MDGA1: variants seen among roughly 807,000 people sequenced by gnomAD.
MDGA1 encodes MAM domain containing glycosylphosphatidylinositol anchor 1.
In MDGA1, 54 loss-of-function variants were observed where a neutral mutation model predicts 101.5. That is an observed-to-expected ratio of 0.53 (90% CI 0.43 to 0.67). The LOEUF (loss-of-function observed/expected upper bound fraction) is 0.67, where lower values mean the gene tolerates loss of function less well. MDGA1 is among the 30% of genes least tolerant of loss of function. MDGA1 has a pLI of 0.00. For synonymous variants in MDGA1, 533 were observed against 558.3 expected (o/e 0.95, Z 0.64); for missense variants, 1,083 against 1,323.8 (o/e 0.82, Z 2.82).
rs142960358 is a variant in MDGA1, at chr6:37,649,070, G to C, written c.1806C>G (p.Leu602=). Residue 602 remains leucine, a synonymous_variant, in exon 9 of 17, where the codon CTC becomes CTG. Coordinates refer to ENST00000434837, the MANE Select transcript of MDGA1 (RefSeq NM_153487.4). ...CGCTGCTGTCGCGAGTTACGGCGTC[G>C]AGGCGCAGCTCCGCGTGATCCGGCG... ...AEAPDHAELR[L]DAVTRDSSGS... The C allele has an allele frequency of 9.8e-3, 15,061 of 1,541,644 alleles. 89 individuals are homozygous for C. The highest frequency in any genetic ancestry group is 0.012 in the Non-Finnish European group (13,271 of 1,144,434).
chr6:37,655,005 G>A lies in MDGA1; in HGVS notation c.580-73C>T. On this transcript the variant is annotated intron_variant, in intron 4 of 16. Transcript: ENST00000434837. This position sits in a 1 kb window ranked among gnomAD's most constrained non-coding sequence, Gnocchi z 5.1. ...GGGATCCCGCATACTCATTCACCCA[G>A]CACCAGAGCCTACCACAAATGCCTG... 7 of 1,549,370 alleles carry A rather than the reference G, an allele frequency of 4.5e-6. No individual in the cohort carries two copies. The highest frequency in any genetic ancestry group is 6.1e-6 in the Non-Finnish European group (7 of 1,142,836).
chr6:37,644,450 C>T (rs775634697), intron 13 of MDGA1, 47 bp downstream of exon 13: 4 of 1,476,484 alleles, frequency 2.7e-6, no homozygotes, highest in Middle Eastern at 1.9e-4. Context: ...GGCCTAGACA[C>T]CCCCCTGAAG....
At chr6:37,642,702 C>T (rs1003283244) in intron 14 of MDGA1, among the ~76,000 whole-genome samples, 2 of 152,146 alleles carry the variant, frequency 1.3e-5, no homozygotes, top group African/African-American at 2.4e-5. Flanking sequence ...GACCATGCCG[C>T]GGGGTCAGGC....
chr6:37,654,598 G>C, intron 5 of MDGA1, 55 bp from the exon 6 acceptor site: 1 of 1,610,790 alleles, frequency 6.2e-7, no homozygotes, highest in South Asian at 1.1e-5. Flanking sequence ...CTGGATGTTG[G>C]GGAGAGTAAG....
rs566427491 is a variant in MDGA1, at chr6:37,689,048, T to G, written c.67+7697A>C. Among the ~76,000 whole-genome samples the G allele has an allele frequency of 2.6e-5, 4 of 152,278 alleles. No homozygotes were observed. The East Asian group carries it at 7.7e-4, about 29-fold the overall frequency. ...AGGGGAGACTTGTGCACGGGAAAGT[T>G]TGAGGAGCCCCACTCTGTGCTGCAG... On this transcript the variant is annotated intron_variant, in intron 1 of 16. Transcript: ENST00000434837.
chr6:37,641,347 C>T lies in MDGA1; in HGVS notation c.2536+2462G>A, dbSNP rs540653518. The stretch of plus-strand genomic sequence containing the variant: ...CAGAGCCAGGTATCTCATATCACTG[C>T]GGGCTGGAGGTGAGCTGGAAGGGAC... On this transcript the variant is annotated intron_variant, in intron 14 of 16. Coordinates refer to ENST00000434837, the MANE Select transcript of MDGA1 (RefSeq NM_153487.4). Among the ~76,000 whole-genome samples the T allele has an allele frequency of 2.0e-3, 306 of 152,254 alleles. 2 individuals carry two copies. The highest frequency in any genetic ancestry group is 6.9e-3 in the African/African-American group (285 of 41,542).
At chr6:37,685,767 G>A (rs1203725631) in intron 1 of MDGA1, among the ~76,000 whole-genome samples, 1 of 152,128 alleles carries the variant, frequency 6.6e-6, no homozygotes, top group Non-Finnish European at 1.5e-5. Flanking sequence ...GAATGTCTGG[G>A]TGACCCAAGC....
intron 1 of MDGA1, among the ~76,000 whole-genome samples, chr6:37,686,176 G>C (rs1762193158): frequency 6.6e-6 from 1 of 152,116 alleles, no homozygotes; most frequent in Non-Finnish European, 1.5e-5. Context: ...GGGTGTTTCT[G>C]GGAAAGCTCC....
intron 14 of MDGA1, chr6:37,639,261 G>A (rs1034962339): frequency 1.3e-5 from 2 of 152,690 alleles, no homozygotes; most frequent in Admixed American, 6.5e-5. Context: ...CCCATGGGGT[G>A]GAATAAACAC....
At chr6:37,659,067 T>A (rs73734236) in intron 2 of MDGA1, among the ~76,000 whole-genome samples, 7,338 of 151,526 alleles carry the variant, frequency 0.048, 354 homozygotes, top group African/African-American at 0.12. Flanking sequence ...AGGGGCTCAC[T>A]TGGGGAGGAA....
Position 37,661,990 on chromosome 6 carries a change from GAA to G in MDGA1, c.207+1975_207+1976del, listed in dbSNP as rs35222857. On this transcript the variant is annotated intron_variant, in intron 2 of 16. Transcript: ENST00000434837. ...GGCAACATGGTGAAAACCTGTCTCT[GAA>G]AAAAAAAAAAGAAAAGAAAAATTAG... Among the ~76,000 whole-genome samples the G allele has an allele frequency of 2.8e-3, 408 of 145,696 alleles. 6 individuals are homozygous for G. Among genetic ancestry groups the G allele is most frequent in the Middle Eastern group, 3.5e-3 (1 of 286 alleles).
chr6:37,647,549 G>A (rs1030854084), intron 9 of MDGA1, among the ~76,000 whole-genome samples: 3 of 151,864 alleles, frequency 2.0e-5, no homozygotes, highest in African/African-American at 4.8e-5. Flanking sequence ...CAGGGAGATT[G>A]GAAATTCCAA....
rs184937790 is a variant in MDGA1, at chr6:37,644,914, A to G, written c.2249-265T>C. On this transcript the variant is annotated intron_variant, in intron 12 of 16. Coordinates refer to ENST00000434837, the MANE Select transcript of MDGA1 (RefSeq NM_153487.4). Reference sequence around the variant, plus strand: ...ATAATGATTTTAGACACATAAAATGAAATGTATAGGATTATAAAGAAAATC... The same window carrying G: ...ATAATGATTTTAGACACATAAAATGGAATGTATAGGATTATAAAGAAAATC... Among the ~76,000 whole-genome samples the G allele has an allele frequency of 2.6e-5, 4 of 152,394 alleles. No homozygotes were observed. The East Asian group carries it at 7.7e-4, about 29-fold the overall frequency.
At position 37,695,455 on chromosome 6, in the gene MDGA1, C is replaced by T. The variant is rs575351040; in HGVS notation, c.67+1290G>A. 3.3e-5 allele frequency among the ~76,000 whole-genome samples: 5 copies of T among 152,368 alleles called. No individual in the cohort carries two copies. In the East Asian group the frequency reaches 9.6e-4, roughly 29 times the overall value. ...AGAGACACACAAACTAATTAAGAAGCAGAGTTTGGCCAGATGCCTGGGCTA... is the reference window on the plus strand; with the variant it reads ...AGAGACACACAAACTAATTAAGAAGTAGAGTTTGGCCAGATGCCTGGGCTA... On this transcript the variant is annotated intron_variant, in intron 1 of 16. Transcript: ENST00000434837.
intron 1 of MDGA1, among the ~76,000 whole-genome samples, chr6:37,685,517 A>G (rs1280532023): frequency 2.6e-5 from 4 of 152,216 alleles, no homozygotes; most frequent in Non-Finnish European, 5.9e-5. Context: ...GCTGAGAGGC[A>G]GAAAGATGAG....
At chr6:37,695,559 C>T (rs762609866) in intron 1 of MDGA1, among the ~76,000 whole-genome samples, 12 of 152,222 alleles carry the variant, frequency 7.9e-5, no homozygotes, top group Non-Finnish European at 1.0e-4. Context: ...CCCTTCAGGA[C>T]ACCCCTTCTT....
chr6:37,679,812 T>C (rs1762056170), intron 1 of MDGA1, among the ~76,000 whole-genome samples: 1 of 152,164 alleles, frequency 6.6e-6, no homozygotes, highest in East Asian at 1.9e-4. Context: ...GTATTAGCCC[T>C]GTCTTGTGCA....
chr6:37,662,258 G>A (rs1229912994), intron 2 of MDGA1, among the ~76,000 whole-genome samples: 1 of 151,954 alleles, frequency 6.6e-6, no homozygotes, highest in African/African-American at 2.4e-5. Flanking sequence ...AGGACTGATA[G>A]GCTGACCCAG....
intron 14 of MDGA1, among the ~76,000 whole-genome samples, chr6:37,642,217 C>T: frequency 7.7e-6 from 1 of 129,308 alleles, no homozygotes; most frequent in African/African-American, 3.0e-5. Context: ...CTTACTCTGT[C>T]ACTCAGGCTG....
Sources: gnomAD v4.1 joint callset for allele counts (sites outside exome capture counted in the v4.1 genomes callset) on GRCh38, gnomAD v4.1.1 for gene constraint, Gnocchi (gnomAD v3.1) non-coding constraint, MANE v1.5 for transcripts, NCBI Gene and HGNC (gene_info 2026-07-23, HGNC 2026-07-21) for gene names.